FNIP2: variants seen among roughly 807,000 people sequenced by gnomAD.
The protein encoded by FNIP2 is folliculin-interacting protein 2.
Under a neutral mutation model 108.7 loss-of-function variants are expected in FNIP2, and 32 were observed. That is an observed-to-expected ratio of 0.29 (90% CI 0.22 to 0.40). The LOEUF is 0.40. FNIP2 is among the 10% of genes least tolerant of loss of function. FNIP2 has a pLI of 1.00. For missense variants in FNIP2, 1,202 were observed against 1,381.6 expected (o/e 0.87, Z 2.06); for synonymous variants, 480 against 496.7 (o/e 0.97, Z 0.45).
At position 158,868,558 on chromosome 4, in the gene FNIP2, C is replaced by T; in HGVS notation, c.1922C>T (p.Ser641Phe). The T allele has an allele frequency of 6.2e-7, 1 of 1,613,484 alleles. No individual in the cohort carries two copies. Among genetic ancestry groups the T allele is most frequent in the Non-Finnish European group, 8.5e-7 (1 of 1,179,652 alleles). ...AGCLGPASDA[S>F]WKPQNAFCGD... is the part of the protein sequence containing the mutation. The stretch of plus-strand genomic sequence containing the variant: ...TGCCTGGGGCCAGCATCAGACGCTT[C>T]CTGGAAACCTCAGAATGCATTTTGT... The change falls in exon 13 of 17, where the codon TCC becomes TTC. Residue 641 changes from serine to phenylalanine, a missense_variant. Transcript: ENST00000264433. The surrounding 1 kb of genome is among the most constrained non-coding windows in gnomAD (Gnocchi z 4.6).
intron 1 of FNIP2, among the ~76,000 whole-genome samples, chr4:158,816,814 T>A: frequency 6.6e-6 from 1 of 151,520 alleles, no homozygotes; most frequent in Admixed American, 6.6e-5. Context: ...AGCTCAGTGA[T>A]TATTGAATTA....
intron 14 of FNIP2, among the ~76,000 whole-genome samples, chr4:158,888,818 G>A (rs1782145459): frequency 6.6e-6 from 1 of 150,838 alleles, no homozygotes; most frequent in African/African-American, 2.4e-5. Flanking sequence ...GGAGCCATGT[G>A]TTGCAGTGAG....
intron 7 of FNIP2, among the ~76,000 whole-genome samples, chr4:158,839,477 C>T (rs982779144): frequency 2.6e-5 from 4 of 152,108 alleles, no homozygotes; most frequent in Non-Finnish European, 5.9e-5. Flanking sequence ...GGGATCCTCC[C>T]TCCTCAGCGC....
chr4:158,802,887 T>C (rs1230588450), intron 1 of FNIP2, among the ~76,000 whole-genome samples: 1 of 152,238 alleles, frequency 6.6e-6, no homozygotes, highest in Non-Finnish European at 1.5e-5. Context: ...TATTGATTCT[T>C]AAACTTGGCA....
At chr4:158,870,952 G>A (rs1780911752) in intron 14 of FNIP2, among the ~76,000 whole-genome samples, 1 of 152,362 alleles carries the variant, frequency 6.6e-6, no homozygotes, top group South Asian at 2.1e-4. Flanking sequence ...GGGGTGGTGG[G>A]TTAGCAGATA....
intron 16 of FNIP2, among the ~76,000 whole-genome samples, chr4:158,897,231 C>T (rs995979878): frequency 6.6e-6 from 1 of 152,134 alleles, no homozygotes; most frequent in Non-Finnish European, 1.5e-5. Context: ...TTTCTTTATC[C>T]AGTCTATCAT....
At chr4:158,846,679 T>C (rs1288149026) in intron 7 of FNIP2, among the ~76,000 whole-genome samples, 2 of 152,126 alleles carry the variant, frequency 1.3e-5, no homozygotes, top group African/African-American at 4.8e-5. Context: ...AAATACAGGT[T>C]AACAAGAGAA....
In FNIP2 at chr4:158,840,541, G is replaced by A. The variant is rs79226396; in HGVS notation, c.727+5065G>A. On this transcript the variant is annotated intron_variant, in intron 7 of 16. Transcript: ENST00000264433. ...CTCCCAAGTAGCTGAAATCACAGGCGCACACCACCACACCCAGCTAATTTT... is the reference window on the plus strand; with the variant it reads ...CTCCCAAGTAGCTGAAATCACAGGCACACACCACCACACCCAGCTAATTTT... Among the ~76,000 whole-genome samples the A allele has an allele frequency of 5.1e-3, 782 of 152,096 alleles. 5 individuals carry two copies. Among genetic ancestry groups the A allele is most frequent in the African/African-American group, 0.017 (693 of 41,512 alleles).
rs1460277251 is a variant in FNIP2 at position 158,865,073 on chromosome 4, C to T, written c.1466-3029C>T. Among the ~76,000 whole-genome samples the T allele has an allele frequency of 3.3e-5, 5 of 152,164 alleles. 1 individual carries two copies. The highest frequency in any genetic ancestry group is 4.4e-5 in the Non-Finnish European group (3 of 68,046). The stretch of plus-strand genomic sequence containing the variant: ...CCAGCACCTTTCCTGCTTCCATGCA[C>T]TCTGTCTTTGGCCTATTTCACTTGG... On this transcript the variant is annotated intron_variant, in intron 12 of 16. Transcript: ENST00000264433.
At chr4:158,862,867 ATT>A (rs1780373503) in intron 12 of FNIP2, among the ~76,000 whole-genome samples, 1 of 152,214 alleles carries the variant, frequency 6.6e-6, no homozygotes, top group Non-Finnish European at 1.5e-5. Flanking sequence ...TTAAGGAAAC[ATT>A]GTATTCCATG....
intron 1 of FNIP2, among the ~76,000 whole-genome samples, chr4:158,816,243 C>T (rs1472408994): frequency 1.3e-5 from 2 of 152,068 alleles, no homozygotes; most frequent in African/African-American, 4.8e-5. Flanking sequence ...GGAAGTATTA[C>T]CTTATCTGCA....
chr4:158,856,464 T>C (rs1779988715), intron 8 of FNIP2, among the ~76,000 whole-genome samples: 1 of 152,256 alleles, frequency 6.6e-6, no homozygotes, highest in Admixed American at 6.5e-5. Context: ...AACAAAATTC[T>C]ATTTGATTTC....
intron 12 of FNIP2, among the ~76,000 whole-genome samples, chr4:158,863,987 A>AT (rs936017299): frequency 5.3e-5 from 8 of 151,822 alleles, no homozygotes; most frequent in East Asian, 1.9e-4. Context: ...CTACAAATCA[A>AT]TTTTTTTTTA....
At chr4:158,870,735 C>T (rs984841034) in intron 14 of FNIP2, among the ~76,000 whole-genome samples, 1 of 152,230 alleles carries the variant, frequency 6.6e-6, no homozygotes, top group African/African-American at 2.4e-5. Flanking sequence ...CGAGGGGCGG[C>T]CTGGCTGCAG....
At chr4:158,780,966 C>T (rs575367616) in intron 1 of FNIP2, among the ~76,000 whole-genome samples, 19 of 149,012 alleles carry the variant, frequency 1.3e-4, no homozygotes, top group South Asian at 8.4e-4. Context: ...ACCCCAGAGG[C>T]GGAGGTTGCA....
chr4:158,860,437 ATG>A (rs961780378), intron 10 of FNIP2, among the ~76,000 whole-genome samples: 37 of 152,114 alleles, frequency 2.4e-4, no homozygotes, highest in African/African-American at 8.9e-4. Flanking sequence ...ACTGTGGATT[ATG>A]TGTTAAAGTA....
chr4:158,886,405 C>T (rs993036055), intron 14 of FNIP2, among the ~76,000 whole-genome samples: 2 of 152,174 alleles, frequency 1.3e-5, no homozygotes, highest in East Asian at 1.9e-4. Flanking sequence ...CAGAAGTTTC[C>T]GAGTTACCCA....
intron 8 of FNIP2, among the ~76,000 whole-genome samples, chr4:158,857,400 T>C (rs529171460): frequency 1.3e-5 from 2 of 152,332 alleles, no homozygotes; most frequent in African/African-American, 4.8e-5. Flanking sequence ...TATGAAATTG[T>C]GTGAAGTTCT....
At chr4:158,873,467 C>T (rs528173139) in intron 14 of FNIP2, among the ~76,000 whole-genome samples, 1 of 152,260 alleles carries the variant, frequency 6.6e-6, no homozygotes, top group South Asian at 2.1e-4. Flanking sequence ...CCTCATTCTC[C>T]CAAGTAGACA....
Sources: gnomAD v4.1 joint callset for allele counts (sites outside exome capture counted in the v4.1 genomes callset) on GRCh38, gnomAD v4.1.1 for gene constraint, Gnocchi (gnomAD v3.1) non-coding constraint, MANE v1.5 for transcripts, NCBI Gene and HGNC (gene_info 2026-07-23, HGNC 2026-07-21) for gene names.